The following GALNT11 variants were observed in gnomAD, a reference collection of about 807,000 sequenced individuals.
The protein encoded by GALNT11 is polypeptide N-acetylgalactosaminyltransferase 11, also known as UDP-GalNAc:polypeptide N-acetylgalactosaminyltransferase 11.
GALNT11 carries 47 observed loss-of-function variants against 72.7 expected under a neutral mutation model. The observed-to-expected ratio is 0.65, with a 90% CI of 0.51 to 0.82. The LOEUF (loss-of-function observed/expected upper bound fraction) is 0.82. Ranked by LOEUF, GALNT11 falls within the 40% of genes least tolerant of loss-of-function variation. The probability of loss-of-function intolerance (pLI) is 0.00; values close to 1 mark genes in which losing one functional copy is unlikely to be tolerated. For synonymous variants in GALNT11, 270 were observed against 286.6 expected, an observed-to-expected ratio of 0.94 and a Z score of 0.58; for missense variants, 677 against 778.4, an observed-to-expected ratio of 0.87 and a Z score of 1.55.
chr7:152,035,162 G>A (rs745494771), intron 1 of GALNT11, among the ~76,000 whole-genome samples: 3 of 152,182 alleles, frequency 2.0e-5, no homozygotes, highest in African/African-American at 7.2e-5. Context: ...AGGCCTGCTA[G>A]TCTGAGGAGG....
intron 1 of GALNT11, among the ~76,000 whole-genome samples, chr7:152,037,496 G>C (rs7810799): frequency 1.3e-5 from 2 of 151,922 alleles, no homozygotes; most frequent in Admixed American, 1.3e-4. Context: ...TGTAATTTGG[G>C]GTTAGATAAT....
At chr7:152,098,790 TC>T (rs2086559287) in intron 2 of GALNT11, among the ~76,000 whole-genome samples, 1 of 152,246 alleles carries the variant, frequency 6.6e-6, no homozygotes, top group South Asian at 2.1e-4. Flanking sequence ...GGAGTTTCTC[TC>T]CTTGTATAAA....
At chr7:152,049,758 G>A (rs2083302492) in intron 1 of GALNT11, among the ~76,000 whole-genome samples, 1 of 152,184 alleles carries the variant, frequency 6.6e-6, no homozygotes, top group Admixed American at 6.5e-5. Context: ...CCATCCTGGA[G>A]CCAGGTCCTG....
chr7:152,095,768 T>C (rs530081844), intron 2 of GALNT11, among the ~76,000 whole-genome samples: 1 of 152,358 alleles, frequency 6.6e-6, no homozygotes, highest in African/African-American at 2.4e-5. Context: ...TTTACCATTT[T>C]GAATAGACTC....
At chr7:152,088,379 C>T (rs2085787904) in intron 1 of GALNT11, among the ~76,000 whole-genome samples, 1 of 151,820 alleles carries the variant, frequency 6.6e-6, no homozygotes, top group African/African-American at 2.4e-5. Context: ...TTGATAAAAC[C>T]ATTTGGGTTT....
intron 1 of GALNT11, among the ~76,000 whole-genome samples, chr7:152,072,017 A>G (rs1161328167): frequency 2.0e-5 from 3 of 151,410 alleles, no homozygotes; most frequent in Admixed American, 2.0e-4. Flanking sequence ...CTCAAAAAAA[A>G]AAAAAAAAAA....
chr7:152,111,714 A>T (rs1019079001), intron 7 of GALNT11, among the ~76,000 whole-genome samples: 1 of 151,888 alleles, frequency 6.6e-6, no homozygotes, highest in Non-Finnish European at 1.5e-5. Flanking sequence ...TTAATGTGCT[A>T]ATTTAAAGGT....
chr7:152,114,466 G>T (rs887299163), intron 8 of GALNT11, among the ~76,000 whole-genome samples: 1 of 152,086 alleles, frequency 6.6e-6, no homozygotes, highest in Non-Finnish European at 1.5e-5. Context: ...CCATGTATGG[G>T]TCTGCATTCC....
At chr7:152,044,624 T>C (rs1359586177) in intron 1 of GALNT11, among the ~76,000 whole-genome samples, 1 of 152,232 alleles carries the variant, frequency 6.6e-6, no homozygotes, top group East Asian at 1.9e-4. Context: ...AATGCTCTGA[T>C]ATTTGTATAT....
intron 5 of GALNT11, 107 bp from the exon 6 acceptor site, chr7:152,107,931 G>A (rs2087762606): frequency 7.5e-7 from 1 of 1,330,804 alleles, no homozygotes; most frequent in East Asian, 2.3e-5. Flanking sequence ...CTGGGAGGGT[G>A]GCAGTCGTGT....
At chr7:152,102,310 G>A (rs776098621) in intron 3 of GALNT11, among the ~76,000 whole-genome samples, 7 of 152,132 alleles carry the variant, frequency 4.6e-5, no homozygotes, top group African/African-American at 7.2e-5. Flanking sequence ...TTGGGAGGGC[G>A]CGGTGGGTGG....
chr7:152,027,986 C>T (rs115161369), intron 1 of GALNT11, among the ~76,000 whole-genome samples: 1,570 of 152,172 alleles, frequency 0.01, 26 homozygotes, highest in African/African-American at 0.036. Flanking sequence ...GGTGGCATGT[C>T]GAGAGTTGTT....
At chr7:152,036,407 C>G (rs1266003995) in intron 1 of GALNT11, among the ~76,000 whole-genome samples, 1 of 152,146 alleles carries the variant, frequency 6.6e-6, no homozygotes, top group Non-Finnish European at 1.5e-5. Context: ...CCTGTTGTTG[C>G]AAATGATGGG....
At chr7:152,075,295 A>T (rs1006207931) in intron 1 of GALNT11, 1 of 152,196 alleles carries the variant, frequency 6.6e-6, no homozygotes, top group Non-Finnish European at 1.5e-5. Flanking sequence ...GCTTTTTCTC[A>T]TTACATGTTG....
intron 1 of GALNT11, among the ~76,000 whole-genome samples, chr7:152,091,040 TTTGTTG>T (rs956414806): frequency 2.6e-5 from 4 of 151,198 alleles, no homozygotes; most frequent in African/African-American, 9.7e-5. Flanking sequence ...AGAGGGAGTT[TTTGTTG>T]TTGTTGTTGT....
At chr7:152,079,199 A>C (rs2085171556) in intron 1 of GALNT11, 1 of 152,160 alleles carries the variant, frequency 6.6e-6, no homozygotes, top group Non-Finnish European at 1.5e-5. Context: ...TACCTCATAG[A>C]ATTAGGAGGT....
intron 9 of GALNT11, chr7:152,117,624 G>T (rs189566392): frequency 2.4e-5 from 13 of 532,566 alleles, no homozygotes; most frequent in Non-Finnish European, 4.0e-5. Flanking sequence ...TTCCAAGAGC[G>T]CAGAGGCATA....
intron 1 of GALNT11, among the ~76,000 whole-genome samples, chr7:152,035,621 C>A (rs1171600273): frequency 6.6e-6 from 1 of 152,204 alleles, no homozygotes; most frequent in Non-Finnish European, 1.5e-5. Context: ...ACACTCCCAA[C>A]TCCGAAGAGT....
intron 2 of GALNT11, among the ~76,000 whole-genome samples, chr7:152,096,464 C>G (rs2086377612): frequency 6.6e-6 from 1 of 152,126 alleles, no homozygotes; most frequent in Non-Finnish European, 1.5e-5. Flanking sequence ...TGCCTGTAAT[C>G]TCAGCACTTT....
Sources: gnomAD v4.1 joint callset for allele counts (sites outside exome capture counted in the v4.1 genomes callset) on GRCh38, gnomAD v4.1.1 for gene constraint, MANE v1.5 for transcripts, NCBI Gene and HGNC (gene_info 2026-07-23, HGNC 2026-07-21) for gene names.